The following DOCK1 variants were observed in gnomAD, a reference collection of about 807,000 sequenced individuals.
The protein encoded by DOCK1 is dedicator of cytokinesis 1.
Under a neutral mutation model 262.7 loss-of-function variants are expected in DOCK1, and 138 were observed. The ratio of observed to expected loss-of-function variants is 0.53; its 90% CI spans 0.46 to 0.61. The LOEUF (loss-of-function observed/expected upper bound fraction) is 0.61. DOCK1 is among the 20% of genes least tolerant of loss of function. The pLI is 0.00. For synonymous variants in DOCK1, 866 were observed against 867.4 expected (o/e 1.00, Z 0.03); for missense variants, 1,908 against 2,370.7 (o/e 0.80, Z 4.05).
At position 127,418,424 on chromosome 10, in the gene DOCK1, C is replaced by G. The variant is rs2068289584; in HGVS notation, c.4575C>G (p.Ile1525Met). 6.2e-7 allele frequency: 1 copy of G among 1,613,822 alleles called. No homozygotes were observed. The highest frequency in any genetic ancestry group is 1.3e-5 in the African/African-American group (1 of 74,888). ...IETMQLTNDK[I>M]NSMVQQHLDD... ...CCATGCAGCTGACGAACGACAAGAT[C>G]AACAGCATGGTGCAGCAGCACCTGG... The change falls in exon 45 of 52, where the codon ATC becomes ATG. Residue 1525 changes from isoleucine to methionine, a missense_variant. Physicochemically the swap from Ile to Met is conservative, Grantham distance 10 (BLOSUM62 1). Coordinates refer to ENST00000623213, the MANE Select transcript of DOCK1 (RefSeq NM_001290223.2).
At chr10:127,085,687 G>T (rs2047154745) in intron 23 of DOCK1, among the ~76,000 whole-genome samples, 1 of 152,050 alleles carries the variant, frequency 6.6e-6, no homozygotes. Flanking sequence ...GAACCCAGGA[G>T]GCGGAGGTTG....
chr10:127,255,442 T>C (rs2059798625), intron 28 of DOCK1, among the ~76,000 whole-genome samples: 1 of 152,004 alleles, frequency 6.6e-6, no homozygotes, highest in Non-Finnish European at 1.5e-5. Context: ...CAGGAATAAA[T>C]CCACATTGAA....
At chr10:127,117,355 G>A (rs2049254758) in intron 25 of DOCK1, among the ~76,000 whole-genome samples, 2 of 152,166 alleles carry the variant, frequency 1.3e-5, no homozygotes, top group Admixed American at 1.3e-4. Context: ...TGAGGAGGTG[G>A]CTTCTTACAA....
At chr10:127,097,371 T>C (rs966407617) in intron 23 of DOCK1, among the ~76,000 whole-genome samples, 13 of 152,246 alleles carry the variant, frequency 8.5e-5, no homozygotes, top group Non-Finnish European at 1.8e-4. Flanking sequence ...CCTGTCTTAA[T>C]ATAAATAGAA....
At chr10:127,268,307 C>T (rs545707067) in intron 29 of DOCK1, among the ~76,000 whole-genome samples, 143 of 151,756 alleles carry the variant, frequency 9.4e-4, no homozygotes, top group African/African-American at 3.3e-3. Context: ...ACCAGCCTGA[C>T]CAATATGGTG....
At chr10:126,949,498 C>T (rs893964362) in intron 1 of DOCK1, among the ~76,000 whole-genome samples, 4 of 152,240 alleles carry the variant, frequency 2.6e-5, no homozygotes, top group African/African-American at 9.6e-5. Flanking sequence ...GAGACCCATT[C>T]TTGTGAATTC....
chr10:127,213,604 G>T (rs980671887), intron 27 of DOCK1, among the ~76,000 whole-genome samples: 2 of 152,216 alleles, frequency 1.3e-5, no homozygotes, highest in African/African-American at 4.8e-5. Flanking sequence ...ATACATTAAT[G>T]TACACCAAGC....
At chr10:126,941,861 G>C (rs2134258858) in intron 1 of DOCK1, among the ~76,000 whole-genome samples, 1 of 152,276 alleles carries the variant, frequency 6.6e-6, no homozygotes, top group African/African-American at 2.4e-5. Context: ...GCCTTTCTCA[G>C]CCCGCCTTTG....
At chr10:127,394,315 T>G (rs2066682852) in intron 38 of DOCK1, among the ~76,000 whole-genome samples, 1 of 148,644 alleles carries the variant, frequency 6.7e-6, no homozygotes, top group Non-Finnish European at 1.5e-5. Flanking sequence ...AAAATAACCT[T>G]CCCTTGACAA....
intron 27 of DOCK1, among the ~76,000 whole-genome samples, chr10:127,166,955 T>C (rs2054140964): frequency 6.6e-6 from 1 of 152,284 alleles, no homozygotes; most frequent in Non-Finnish European, 1.5e-5. Context: ...AAATCTATTT[T>C]GGCATTCTGC....
intron 23 of DOCK1, among the ~76,000 whole-genome samples, chr10:127,103,404 ATTG>A (rs2048364194): frequency 6.6e-6 from 1 of 152,162 alleles, no homozygotes; most frequent in Non-Finnish European, 1.5e-5. Context: ...GGGGCTAGGT[ATTG>A]TTAAGGTTTT....
intron 33 of DOCK1, among the ~76,000 whole-genome samples, chr10:127,366,858 T>G (rs2064947285): frequency 6.6e-6 from 1 of 152,188 alleles, no homozygotes; most frequent in African/African-American, 2.4e-5. Flanking sequence ...TTTTTATAGC[T>G]TTTATAGCAG....
intron 50 of DOCK1, among the ~76,000 whole-genome samples, chr10:127,444,845 C>T (rs1591088953): frequency 6.6e-6 from 1 of 151,952 alleles, no homozygotes; most frequent in Non-Finnish European, 1.5e-5. Flanking sequence ...AGAGCCTGTC[C>T]CGGGCCTCCC....
intron 1 of DOCK1, among the ~76,000 whole-genome samples, chr10:126,953,670 T>C (rs1160493912): frequency 6.6e-6 from 1 of 152,032 alleles, no homozygotes. Context: ...TGAGTGTGGG[T>C]AGAACGTCCC....
chr10:127,019,930 G>T (rs2042294290), intron 13 of DOCK1, among the ~76,000 whole-genome samples: 1 of 152,234 alleles, frequency 6.6e-6, no homozygotes, highest in Non-Finnish European at 1.5e-5. Context: ...ATAGCCAGGA[G>T]AGTGGTGGCT....
chr10:127,240,667 T>C (rs2059232645), intron 27 of DOCK1, among the ~76,000 whole-genome samples: 1 of 152,180 alleles, frequency 6.6e-6, no homozygotes, highest in African/African-American at 2.4e-5. Context: ...TACAACATCG[T>C]TCTTTCTATA....
intron 28 of DOCK1, among the ~76,000 whole-genome samples, chr10:127,249,690 TAAG>T (rs1383964123): frequency 3.3e-5 from 5 of 152,198 alleles, no homozygotes; most frequent in African/African-American, 1.2e-4. Context: ...CACTAGGTGA[TAAG>T]AAGTTTCAGT....
intron 12 of DOCK1, among the ~76,000 whole-genome samples, chr10:127,016,343 C>T (rs772085821): frequency 2.6e-5 from 4 of 152,174 alleles, no homozygotes; most frequent in Non-Finnish European, 4.4e-5. Flanking sequence ...TTCTCAGCTC[C>T]AGCTAATGGA....
chr10:126,959,828 T>C (rs922962332), intron 1 of DOCK1, among the ~76,000 whole-genome samples: 2 of 152,298 alleles, frequency 1.3e-5, no homozygotes, highest in South Asian at 2.1e-4. Context: ...TTCTTTCTTT[T>C]TTTTTTGAGT....
Sources: gnomAD v4.1 joint callset for allele counts (sites outside exome capture counted in the v4.1 genomes callset) on GRCh38, gnomAD v4.1.1 for gene constraint, MANE v1.5 for transcripts, NCBI Gene and HGNC (gene_info 2026-07-23, HGNC 2026-07-21) for gene names.